Variants in NALF1 observed in about 807,000 individuals in gnomAD.
NALF1 encodes family with sequence similarity 155 member A.
In NALF1, 3 loss-of-function variants were observed where a neutral mutation model predicts 48.4. That is an observed-to-expected ratio of 0.06 (90% CI 0.03 to 0.16). NALF1 has a LOEUF of 0.16. Ranked by LOEUF, NALF1 falls within the 10% of genes least tolerant of loss-of-function variation. NALF1 has a pLI of 1.00. For missense variants in NALF1, 526 were observed against 571.5 expected (o/e 0.92, Z 0.81); for synonymous variants, 262 against 245.7 (o/e 1.07, Z -0.62).
intron 1 of NALF1, among the ~76,000 whole-genome samples, chr13:107,450,095 C>T (rs1490344842): frequency 6.6e-6 from 1 of 152,006 alleles, no homozygotes; most frequent in Non-Finnish European, 1.5e-5. Context: ...ATCATCTGTC[C>T]CCTCTGGAGG....
At chr13:107,596,639 G>A (rs1878758864) in intron 1 of NALF1, among the ~76,000 whole-genome samples, 1 of 152,060 alleles carries the variant, frequency 6.6e-6, no homozygotes, top group Non-Finnish European at 1.5e-5. Flanking sequence ...CATGGATACA[G>A]GGAGAGGAAC....
chr13:107,519,458 G>A (rs1876165476), intron 1 of NALF1, among the ~76,000 whole-genome samples: 1 of 152,122 alleles, frequency 6.6e-6, no homozygotes. Context: ...AAAACCTACT[G>A]TTTTAAGAAT....
intron 1 of NALF1, among the ~76,000 whole-genome samples, chr13:107,719,814 C>A (rs1445789146): frequency 1.3e-5 from 2 of 152,280 alleles, no homozygotes; most frequent in African/African-American, 2.4e-5. Flanking sequence ...TTGCCTCTAA[C>A]CCAAATAATA....
At chr13:107,720,510 CAAAAAAA>C (rs56380251) in intron 1 of NALF1, among the ~76,000 whole-genome samples, 4 of 59,856 alleles carry the variant, frequency 6.7e-5, no homozygotes, top group Non-Finnish European at 1.1e-4. Context: ...GACTGCATCT[CAAAAAAA>C]AAAAAAAAAA....
chr13:107,847,640 A>G (rs1880207750), intron 1 of NALF1, among the ~76,000 whole-genome samples: 2 of 152,236 alleles, frequency 1.3e-5, no homozygotes, highest in Non-Finnish European at 2.9e-5. Context: ...GCACACAGAC[A>G]GCGAACAGCT....
intron 1 of NALF1, among the ~76,000 whole-genome samples, chr13:107,661,242 G>A (rs1409228345): frequency 1.3e-5 from 2 of 152,132 alleles, no homozygotes; most frequent in African/African-American, 4.8e-5. Context: ...CCCCACACTT[G>A]CCTTCCTCTG....
rs187956573 is a variant in NALF1, at chr13:107,447,925, C to T, written c.916-237170G>A. On this transcript the variant is annotated intron_variant, in intron 1 of 2. Transcript: ENST00000375915. ...TATCTTTGGAGGTAGTTGTAGAGTCCTGCTGAAGTCAGAAACATTTAAAAG... is the reference window on the plus strand; with the variant it reads ...TATCTTTGGAGGTAGTTGTAGAGTCTTGCTGAAGTCAGAAACATTTAAAAG... Among the ~76,000 whole-genome samples the T allele has an allele frequency of 2.0e-3, 310 of 152,238 alleles. 2 individuals are homozygous for T. Among genetic ancestry groups the T allele is most frequent in the African/African-American group, 7.2e-3 (298 of 41,536 alleles).
chr13:107,194,707 A>G (rs566692182), intron 2 of NALF1, among the ~76,000 whole-genome samples: 10 of 152,306 alleles, frequency 6.6e-5, no homozygotes, highest in African/African-American at 2.4e-4. Flanking sequence ...TGCAACAAAG[A>G]TAAGTAGATG....
At chr13:107,621,323 A>G (rs1879512090) in intron 1 of NALF1, among the ~76,000 whole-genome samples, 1 of 152,226 alleles carries the variant, frequency 6.6e-6, no homozygotes, top group African/African-American at 2.4e-5. Context: ...ATAATTGTAA[A>G]TACATGTGTG....
intron 1 of NALF1, among the ~76,000 whole-genome samples, chr13:107,329,457 G>T (rs1326070854): frequency 6.6e-6 from 1 of 151,784 alleles, no homozygotes; most frequent in African/African-American, 2.4e-5. Flanking sequence ...CTGTCCAGTA[G>T]CTTCACTCCT....
chr13:107,626,062 C>A (rs1293852254), intron 1 of NALF1, among the ~76,000 whole-genome samples: 2 of 151,780 alleles, frequency 1.3e-5, no homozygotes, highest in Non-Finnish European at 1.5e-5. Context: ...ATCTTATGAA[C>A]AACATAAGAT....
chr13:107,617,019 T>C (rs1417577922), intron 1 of NALF1, among the ~76,000 whole-genome samples: 2 of 152,208 alleles, frequency 1.3e-5, no homozygotes, highest in Non-Finnish European at 2.9e-5. Context: ...CCATGGTTTA[T>C]ATAAAATAGT....
chr13:107,685,623 G>A (rs1463526470), intron 1 of NALF1, among the ~76,000 whole-genome samples: 2 of 152,164 alleles, frequency 1.3e-5, no homozygotes, highest in Non-Finnish European at 2.9e-5. Flanking sequence ...TTTATGACAT[G>A]GAATATATTG....
At chr13:107,762,606 T>C (rs570091322) in intron 1 of NALF1, among the ~76,000 whole-genome samples, 1 of 151,702 alleles carries the variant, frequency 6.6e-6, no homozygotes, top group South Asian at 2.1e-4. Context: ...TTAGAGAAAA[T>C]CAAACAGGAG....
chr13:107,806,507 G>A (rs909050388), intron 1 of NALF1, among the ~76,000 whole-genome samples: 2 of 152,048 alleles, frequency 1.3e-5, no homozygotes, highest in African/African-American at 4.8e-5. Flanking sequence ...AATATGATGA[G>A]CTTTGAACAG....
At chr13:107,588,250 A>G (rs1248529214) in intron 1 of NALF1, among the ~76,000 whole-genome samples, 1 of 152,142 alleles carries the variant, frequency 6.6e-6, no homozygotes, top group African/African-American at 2.4e-5. Context: ...AAATTAGTTT[A>G]TCAAATAAGT....
chr13:107,242,215 G>A (rs544862784), intron 1 of NALF1, among the ~76,000 whole-genome samples: 8 of 152,278 alleles, frequency 5.3e-5, no homozygotes, highest in East Asian at 1.9e-4. Context: ...AAGACCTTGC[G>A]GTTCTAAGCA....
chr13:107,660,630 T>C (rs1006665817), intron 1 of NALF1, among the ~76,000 whole-genome samples: 2 of 152,158 alleles, frequency 1.3e-5, no homozygotes, highest in Non-Finnish European at 2.9e-5. Flanking sequence ...TTAAAAAGCA[T>C]GATTTTTAGG....
chr13:107,742,214 C>T (rs1054650335), intron 1 of NALF1, among the ~76,000 whole-genome samples: 3 of 152,130 alleles, frequency 2.0e-5, no homozygotes, highest in Non-Finnish European at 4.4e-5. Context: ...CACTACCACC[C>T]CGGCTATTCA....
Sources: gnomAD v4.1 joint callset for allele counts (sites outside exome capture counted in the v4.1 genomes callset) on GRCh38, gnomAD v4.1.1 for gene constraint, MANE v1.5 for transcripts, NCBI Gene and HGNC (gene_info 2026-07-23, HGNC 2026-07-21) for gene names.